The following TARBP1 variants were observed in gnomAD, a reference collection of about 807,000 sequenced individuals.
The protein encoded by TARBP1 is tRNA (guanosine(18)-2'-O)-methyltransferase TARBP1.
In TARBP1, 144 loss-of-function variants were observed where a neutral mutation model predicts 178.6. That is an observed-to-expected ratio of 0.81 (90% confidence interval 0.70 to 0.93). TARBP1 has a LOEUF of 0.93. Among genes scored for constraint, TARBP1 ranks in the 40% least tolerant of loss-of-function variants. The pLI is 0.00. For missense variants in TARBP1, 2,067 were observed against 2,011.7 expected (o/e 1.03, Z -0.53); for synonymous variants, 787 against 781.0 (o/e 1.01, Z -0.13).
chr1:234,448,714 C>G lies in TARBP1; in HGVS notation c.1862-135G>C, dbSNP rs561577529. ...GAAATACAACCGAGATGAACTACAG[C>G]AGAACACCCTAGAGCATGGCTCATT... On this transcript the variant is annotated intron_variant, in intron 10 of 29. Coordinates refer to ENST00000040877, the MANE Select transcript of TARBP1 (RefSeq NM_005646.4). 9 of 682,372 alleles carry G rather than the reference C, an allele frequency of 1.3e-5. No individual in the cohort carries two copies. In the East Asian group the frequency reaches 2.5e-4, roughly 19 times the overall value. The allele number at this position is 682,372 out of a possible 1,614,324, so 42.3% of individuals were successfully genotyped here.
At chr1:234,445,992 A>T (rs1159533378) in intron 12 of TARBP1, among the ~76,000 whole-genome samples, 1 of 152,210 alleles carries the variant, frequency 6.6e-6, no homozygotes, top group Non-Finnish European at 1.5e-5. Context: ...TGAAAGTCTT[A>T]TAAAAAGTTA....
intron 28 of TARBP1, chr1:234,392,774 G>C (rs545863631): frequency 7.2e-6 from 2 of 276,816 alleles, no homozygotes; most frequent in South Asian, 1.2e-4. Context: ...GCAGTGGCGC[G>C]ATCTTGGCTC....
chr1:234,458,465 G>C (rs1208158243), intron 8 of TARBP1, among the ~76,000 whole-genome samples: 1 of 152,168 alleles, frequency 6.6e-6, no homozygotes, highest in Non-Finnish European at 1.5e-5. Context: ...GCTCTATCTA[G>C]GCCAGGCATT....
chr1:234,408,514 T>C (rs577972133), intron 23 of TARBP1, among the ~76,000 whole-genome samples: 56 of 152,330 alleles, frequency 3.7e-4, no homozygotes, highest in African/African-American at 1.2e-3. Flanking sequence ...TCAGGAGTCA[T>C]GTAGCTGGAA....
intron 4 of TARBP1, 148 bp downstream of exon 4, chr1:234,467,354 T>C (rs1668551840): frequency 1.0e-5 from 8 of 782,334 alleles, no homozygotes; most frequent in Middle Eastern, 6.3e-4. Context: ...CAACATAAGC[T>C]TTTTCCAAAT....
chr1:234,404,344 A>G (rs1661002617), intron 24 of TARBP1, among the ~76,000 whole-genome samples: 1 of 152,162 alleles, frequency 6.6e-6, no homozygotes, highest in South Asian at 2.1e-4. Context: ...ACCATCAAAC[A>G]CAAACAGCAC....
intron 24 of TARBP1, chr1:234,405,252 T>C (rs1201330562): frequency 6.6e-6 from 1 of 152,010 alleles, no homozygotes; most frequent in Non-Finnish European, 1.5e-5. Context: ...CAATAATCTA[T>C]GATAATAATA....
rs1668168043 is a variant in TARBP1 at position 234,463,924 on chromosome 1, G to T, written c.1312C>A (p.Gln438Lys). 1.3e-6 allele frequency: 2 copies of T among 1,583,288 alleles called. No individual in the cohort carries two copies. The highest frequency in any genetic ancestry group is 2.7e-5 in the African/African-American group (2 of 73,568). The change falls in exon 6 of 30, where the codon CAG (glutamine) becomes AAG (lysine). Residue 438 changes from glutamine to lysine, a missense_variant. Coordinates refer to ENST00000040877, the MANE Select transcript of TARBP1 (RefSeq NM_005646.4). Reference sequence around the variant, plus strand: ...AATGGAGAACAGCTTCCTATTGGCTGGCCTGGGGACCTACAAACAGAGAGT... The same window carrying T: ...AATGGAGAACAGCTTCCTATTGGCTTGCCTGGGGACCTACAAACAGAGAGT... Reference protein sequence around the residue: ...ESSLYSRSPGQPIGSCSPLGL... With the variant: ...ESSLYSRSPGKPIGSCSPLGL...
chr1:234,421,572 A>G (rs1357328243), intron 20 of TARBP1, among the ~76,000 whole-genome samples: 2 of 152,208 alleles, frequency 1.3e-5, no homozygotes, highest in Non-Finnish European at 2.9e-5. Flanking sequence ...TGATGCAAAC[A>G]CCACTAAGAA....
intron 23 of TARBP1, chr1:234,407,300 T>C (rs2103056562): frequency 6.6e-6 from 1 of 151,944 alleles, no homozygotes; most frequent in East Asian, 1.9e-4. Context: ...TCTATAAAAA[T>C]TACTTGTAAT....
chr1:234,430,087 C>G lies in TARBP1; in HGVS notation c.2609G>C (p.Ser870Thr), dbSNP rs1664262321. 3.7e-6 allele frequency: 6 copies of G among 1,609,434 alleles called. No homozygotes were observed. Residue 870 changes from serine (S) to threonine (T), a missense_variant and splice_region_variant, in exon 15 of 30, where the codon AGT becomes ACT. Ser to Thr is a moderately conservative substitution (Grantham distance 58). Coordinates refer to ENST00000040877, the MANE Select transcript of TARBP1 (RefSeq NM_005646.4). Reference protein sequence around the residue: ...SSYAHPLECSSVLEESSSSQG... With the variant: ...SSYAHPLECSTVLEESSSSQG... Reference sequence around the variant, plus strand: ...TTTTAAGCCTTAACCTTCCCTGTACCTGCTGCACTCCAAGGGGTGAGCATA... The same window carrying G: ...TTTTAAGCCTTAACCTTCCCTGTACGTGCTGCACTCCAAGGGGTGAGCATA...
At chr1:234,474,945 G>T (rs79989042) in intron 1 of TARBP1, among the ~76,000 whole-genome samples, 1 of 152,150 alleles carries the variant, frequency 6.6e-6, no homozygotes, top group East Asian at 1.9e-4. Flanking sequence ...GAAGGAAGGC[G>T]CTCCAAGAAT....
chr1:234,456,398 G>C (rs1033257716), intron 9 of TARBP1, among the ~76,000 whole-genome samples: 2 of 152,094 alleles, frequency 1.3e-5, no homozygotes, highest in Non-Finnish European at 2.9e-5. Flanking sequence ...ACGGGGTTTC[G>C]CCATGCTGGC....
At chr1:234,450,324 C>A in intron 10 of TARBP1, 104 bp downstream of exon 10, 2 of 835,926 alleles carry the variant, frequency 2.4e-6, no homozygotes, top group Admixed American at 3.6e-5. Context: ...ATCAATAAAT[C>A]ATCATATATT....
intron 22 of TARBP1, among the ~76,000 whole-genome samples, chr1:234,417,546 C>G (rs1662566780): frequency 6.6e-6 from 1 of 152,082 alleles, no homozygotes; most frequent in African/African-American, 2.4e-5. Flanking sequence ...AGGAAGCCAG[C>G]AATGATAAAC....
At chr1:234,460,943 C>T (rs990392210) in intron 6 of TARBP1, among the ~76,000 whole-genome samples, 3 of 152,146 alleles carry the variant, frequency 2.0e-5, no homozygotes, top group African/African-American at 7.2e-5. Context: ...CACAAAAAGC[C>T]ACGTATTGTA....
chr1:234,465,943 C>CT (rs1160903986), intron 4 of TARBP1, among the ~76,000 whole-genome samples: 1 of 151,800 alleles, frequency 6.6e-6, no homozygotes, highest in Non-Finnish European at 1.5e-5. Flanking sequence ...TTATGCCATA[C>CT]TAAAAAGAGA....
In TARBP1 at chr1:234,391,523, T is replaced by C; in HGVS notation, c.*54A>G. On this transcript the variant is annotated 3_prime_UTR_variant, in exon 30 of 30. Coordinates refer to ENST00000040877, the MANE Select transcript of TARBP1 (RefSeq NM_005646.4). ...TCAGAATCTGTTTCTTTAGTCCAAA[T>C]AGTTTTTTTTAAAAAAGTCTGAACA... The C allele has an allele frequency of 9.3e-6, 14 of 1,505,520 alleles. No homozygotes were observed. Among genetic ancestry groups the C allele is most frequent in the South Asian group, 2.6e-5 (2 of 75,624 alleles). 93.3% of individuals were successfully genotyped at this position (1,505,520 alleles called of 1,614,324 possible). A position where few individuals can be genotyped will look rare whatever the true frequency, so the allele number is the denominator to read the frequency against.
chr1:234,476,875 T>C lies in TARBP1; in HGVS notation c.931+1298A>G, dbSNP rs895250097. On this transcript the variant is annotated intron_variant, in intron 1 of 29. Transcript: ENST00000040877. ...AGTTGCAGGAAGCATGGAAGCACCA[T>C]TGCTTATCCCTAAAACTGCAAAATA... 3.9e-5 allele frequency among the ~76,000 whole-genome samples: 6 copies of C among 152,340 alleles called. 1 individual carries two copies. The South Asian group carries it at 1.2e-3, about 32-fold the overall frequency.
Sources: gnomAD v4.1 joint callset for allele counts (sites outside exome capture counted in the v4.1 genomes callset) on GRCh38, gnomAD v4.1.1 for gene constraint, MANE v1.5 for transcripts, NCBI Gene and HGNC (gene_info 2026-07-23, HGNC 2026-07-21) for gene names.